Variants in FYB1 observed in about 807,000 individuals in gnomAD.
FYB1 encodes FYN binding protein 1, also known as FYN-binding protein 1.
In FYB1, 41 loss-of-function variants were observed where a neutral mutation model predicts 94.1. The ratio of observed to expected loss-of-function variants is 0.44; its 90% CI spans 0.34 to 0.57. The LOEUF (loss-of-function observed/expected upper bound fraction) is 0.57. Ranked by LOEUF, FYB1 falls within the 20% of genes least tolerant of loss-of-function variation. The pLI is 0.02. For missense variants in FYB1, 1,050 were observed against 976.8 expected, an observed-to-expected ratio of 1.07 and a Z score of -1.00; for synonymous variants, 367 against 353.2, an observed-to-expected ratio of 1.04 and a Z score of -0.44.
At chr5:39,134,038 A>G (rs1741438638) in intron 9 of FYB1, among the ~76,000 whole-genome samples, 170 bp downstream of exon 9, 3 of 152,188 alleles carry the variant, frequency 2.0e-5, no homozygotes, top group Non-Finnish European at 1.5e-5. Context: ...AAGAAAGACT[A>G]TGGAGTTTCA....
Position 39,202,113 on chromosome 5 carries a change from T to C in FYB1, c.848A>G (p.Lys283Arg), listed in dbSNP as rs1342611268. 2.5e-6 allele frequency: 4 copies of C among 1,614,000 alleles called. No homozygotes were observed. Residue 283 changes from lysine (K) to arginine (R), a missense_variant, in exon 2 of 19, where the codon AAG becomes AGG. By Grantham distance (26) the Lys-to-Arg change is conservative. Transcript: ENST00000512982. The part of the protein sequence containing the change: ...PGLSKNGEEK[K>R]EDRKIDAAKN... ...AGCAGCATCTATCTTCCTATCTTCCTTTTTTTCTTCACCATTTTTGGAGAG... is the reference window on the plus strand; with the variant it reads ...AGCAGCATCTATCTTCCTATCTTCCCTTTTTTCTTCACCATTTTTGGAGAG...
rs1268427461 is a variant in FYB1 at position 39,105,855 on chromosome 5, A to G, written c.*1588T>C. The G allele has an allele frequency of 6.6e-6, 1 of 152,156 alleles. No individual in the cohort carries two copies. Among genetic ancestry groups the G allele is most frequent in the Admixed American group, 6.6e-5 (1 of 15,266 alleles). 9.4% of individuals were successfully genotyped at this position (152,156 alleles called of 1,614,324 possible). A position where few individuals can be genotyped will look rare whatever the true frequency, so the allele number is the denominator to read the frequency against. ...AATCTTTGGAGATTAGTGGCATCTAATCTTGGGGCCTCAGACACCCAAAAT... is the reference window on the plus strand; with the variant it reads ...AATCTTTGGAGATTAGTGGCATCTAGTCTTGGGGCCTCAGACACCCAAAAT... On this transcript the variant is annotated 3_prime_UTR_variant, in exon 19 of 19. Coordinates refer to ENST00000512982, the MANE Select transcript of FYB1 (RefSeq NM_001465.6).
intron 2 of FYB1, among the ~76,000 whole-genome samples, chr5:39,185,558 T>TTG (rs529142410): frequency 8.8e-4 from 121 of 138,200 alleles, no homozygotes; most frequent in South Asian, 8.5e-3. Context: ...TATGATATGA[T>TTG]TGTGTGTGTG....
intron 3 of FYB1, among the ~76,000 whole-genome samples, chr5:39,141,706 C>G (rs144806693): frequency 6.6e-6 from 1 of 151,696 alleles, no homozygotes; most frequent in Non-Finnish European, 1.5e-5. Context: ...ACTTTTGCAC[C>G]GACCTAATAC....
intron 1 of FYB1, among the ~76,000 whole-genome samples, chr5:39,237,851 G>T (rs1437642723): frequency 6.6e-6 from 1 of 152,068 alleles, no homozygotes; most frequent in Non-Finnish European, 1.5e-5. Context: ...TCAGTCAATT[G>T]TATTTGGCTA....
intron 1 of FYB1, among the ~76,000 whole-genome samples, chr5:39,265,765 T>C (rs1189011192): frequency 6.6e-6 from 1 of 152,168 alleles, no homozygotes. Context: ...CTACCCTAAG[T>C]GTAACCCGTG....
upstream of FYB1, among the ~76,000 whole-genome samples, chr5:39,223,093 A>T (rs1042424715): frequency 2.6e-5 from 4 of 152,160 alleles, no homozygotes; most frequent in Non-Finnish European, 4.4e-5. Flanking sequence ...CACATCCTGC[A>T]CATGTACCCT....
rs117447775 is a variant in FYB1, at chr5:39,226,353, A to C, written c.-27-23366T>G. Among the ~76,000 whole-genome samples the C allele has an allele frequency of 2.0e-4, 31 of 152,104 alleles. No individual in the cohort carries two copies. The East Asian group carries it at 5.8e-3, about 29-fold the overall frequency. On this transcript the variant is annotated intron_variant, in intron 1 of 1. Transcript: ENST00000510188. ...TGTCAACATGATCTTCCTATGCTTAACTGGATGATATTTGCTTAAGCCTTT... is the reference window on the plus strand; with the variant it reads ...TGTCAACATGATCTTCCTATGCTTACCTGGATGATATTTGCTTAAGCCTTT...
At chr5:39,178,053 A>C (rs1745895896) in intron 2 of FYB1, among the ~76,000 whole-genome samples, 1 of 152,148 alleles carries the variant, frequency 6.6e-6, no homozygotes, top group Admixed American at 6.5e-5. Flanking sequence ...ACCTGCATTG[A>C]CCTCATGCAG....
At chr5:39,252,157 A>G (rs1751741163) in intron 1 of FYB1, among the ~76,000 whole-genome samples, 1 of 151,950 alleles carries the variant, frequency 6.6e-6, no homozygotes, top group African/African-American at 2.4e-5. Flanking sequence ...AAAAGTAAAT[A>G]AATAAATAAA....
chr5:39,112,148 G>A (rs933600067), intron 16 of FYB1, among the ~76,000 whole-genome samples: 1 of 151,870 alleles, frequency 6.6e-6, no homozygotes, highest in Admixed American at 6.6e-5. Flanking sequence ...TTTGTATCAG[G>A]GTTCTCATAA....
chr5:39,107,928 A>C (rs1238444720), intron 18 of FYB1, among the ~76,000 whole-genome samples: 2 of 152,094 alleles, frequency 1.3e-5, no homozygotes, highest in Non-Finnish European at 2.9e-5. Context: ...TTTGCCAAAA[A>C]TGTTTATTTG....
At chr5:39,223,386 G>A (rs146446837), upstream of FYB1, among the ~76,000 whole-genome samples, 1,570 of 152,120 alleles carry the variant, frequency 0.01, 38 homozygotes, top group African/African-American at 0.036. Context: ...AGAATTACTT[G>A]CATTATGTTT....
intron 3 of FYB1, among the ~76,000 whole-genome samples, chr5:39,144,183 A>G (rs1183390459): frequency 6.6e-6 from 1 of 152,168 alleles, no homozygotes; most frequent in Admixed American, 6.5e-5. Flanking sequence ...AGACTTTCTA[A>G]ATTTTAGCTG....
At chr5:39,134,393 A>C in intron 8 of FYB1, 44 bp from the exon 9 acceptor site, 1 of 1,466,338 alleles carries the variant, frequency 6.8e-7, no homozygotes, top group Non-Finnish European at 9.3e-7. Context: ...CTGTAGTTTA[A>C]ATATTTTAAA....
At position 39,126,109 on chromosome 5, in the gene FYB1, C is replaced by G. The variant is rs779648525; in HGVS notation, c.1934G>C (p.Ser645Thr). The change falls in exon 12 of 19, where the codon AGT becomes ACT. Residue 645 changes from serine (S) to threonine (T), a missense_variant. Coordinates refer to ENST00000512982, the MANE Select transcript of FYB1 (RefSeq NM_001465.6). ...CAAAATCCCCCAGGACCACGTATTA[C>G]TCTTCTCTTGAACCTGTAGTGTGGA... ...DGSTLQVQEK[S>T]NTWSWGILKM... The G allele has an allele frequency of 6.2e-7, 1 of 1,613,416 alleles. No individual in the cohort carries two copies. The highest frequency in any genetic ancestry group is 8.5e-7 in the Non-Finnish European group (1 of 1,179,624).
chr5:39,149,501 A>G lies in FYB1; in HGVS notation c.1292+3947T>C, dbSNP rs573621072. ...AGCCTACAAAAGTGCTGTTATTTCC[A>G]TCTTTAAAAAGGCTCTTGATCTCAT... is the stretch of plus-strand genomic sequence containing the variant. On this transcript the variant is annotated intron_variant, in intron 3 of 18. Transcript: ENST00000512982. Among the ~76,000 whole-genome samples the G allele has an allele frequency of 2.6e-5, 4 of 152,222 alleles. No individual in the cohort carries two copies. In the South Asian group the frequency reaches 6.2e-4, roughly 24 times the overall value.
intron 1 of FYB1, among the ~76,000 whole-genome samples, chr5:39,238,162 G>A (rs1227569670): frequency 6.6e-6 from 1 of 151,904 alleles, no homozygotes; most frequent in Non-Finnish European, 1.5e-5. Context: ...TTTGTTATGT[G>A]TATTTTACAA....
intron 1 of FYB1, among the ~76,000 whole-genome samples, chr5:39,225,633 A>G (rs900244314): frequency 4.6e-5 from 7 of 152,228 alleles, no homozygotes; most frequent in African/African-American, 1.7e-4. Flanking sequence ...CTTATAAAGT[A>G]TGTTATGCAT....
Sources: gnomAD v4.1 joint callset for allele counts (sites outside exome capture counted in the v4.1 genomes callset) on GRCh38, gnomAD v4.1.1 for gene constraint, MANE v1.5 for transcripts, NCBI Gene and HGNC (gene_info 2026-07-23, HGNC 2026-07-21) for gene names.